Variants in MYO5B observed in about 807,000 individuals in gnomAD.
MYO5B encodes the protein unconventional myosin-Vb.
MYO5B carries 143 observed loss-of-function variants against 229.3 expected under a neutral mutation model. The ratio of observed to expected loss-of-function variants is 0.62; its 90% CI spans 0.54 to 0.72. The LOEUF is 0.72. MYO5B is among the 30% of genes least tolerant of loss of function. MYO5B has a pLI of 0.00. For synonymous variants in MYO5B, 918 were observed against 885.2 expected, an observed-to-expected ratio of 1.04 and a Z score of -0.66; for missense variants, 2,321 against 2,331.0, an observed-to-expected ratio of 1.00 and a Z score of 0.09.
At chr18:49,889,022 T>C (rs1258820843) in intron 22 of MYO5B, among the ~76,000 whole-genome samples, 2 of 152,150 alleles carry the variant, frequency 1.3e-5, no homozygotes, top group African/African-American at 4.8e-5. Flanking sequence ...TATCACACCC[T>C]CAGAACCCAG....
At chr18:50,024,221 T>C (rs1007065308) in intron 4 of MYO5B, among the ~76,000 whole-genome samples, 7 of 152,228 alleles carry the variant, frequency 4.6e-5, no homozygotes, top group Non-Finnish European at 1.0e-4. Flanking sequence ...GTATCATAAC[T>C]GAAGATCAAT....
chr18:49,931,242 T>A (rs1206243162), intron 16 of MYO5B, among the ~76,000 whole-genome samples: 1 of 152,126 alleles, frequency 6.6e-6, no homozygotes, highest in Non-Finnish European at 1.5e-5. Context: ...GACTGCAAGA[T>A]GCCACCTCAA....
chr18:49,960,132 C>G (rs1218882473), intron 12 of MYO5B, among the ~76,000 whole-genome samples: 1 of 152,182 alleles, frequency 6.6e-6, no homozygotes, highest in Non-Finnish European at 1.5e-5. Flanking sequence ...ATCTAAACCC[C>G]AGCTCACTAC....
intron 1 of MYO5B, among the ~76,000 whole-genome samples, chr18:50,176,382 A>C (rs993038025): frequency 2.0e-5 from 3 of 152,108 alleles, no homozygotes; most frequent in African/African-American, 7.2e-5. Flanking sequence ...ACACAACTGA[A>C]GTTATTTTTT....
Position 49,861,390 on chromosome 18 carries a change from C to T in MYO5B, c.3944+1837G>A, listed in dbSNP as rs139132477. ...GACGGCTCTGAAGATCGGGGAGATACGCACACCGCTTGTCAGACCAAGCAC... is the reference window on the plus strand; with the variant it reads ...GACGGCTCTGAAGATCGGGGAGATATGCACACCGCTTGTCAGACCAAGCAC... On this transcript the variant is annotated intron_variant, in intron 29 of 39. Transcript: ENST00000285039. Among the ~76,000 whole-genome samples the T allele has an allele frequency of 1.6e-3, 251 of 152,224 alleles. 2 individuals are homozygous for T. The highest frequency in any genetic ancestry group is 6.8e-3 in the Middle Eastern group (2 of 294).
chr18:49,856,479 G>T (rs147304786), intron 30 of MYO5B, among the ~76,000 whole-genome samples: 2 of 152,176 alleles, frequency 1.3e-5, no homozygotes, highest in Non-Finnish European at 2.9e-5. Context: ...TTCCCCAGAG[G>T]TATGTTTCCT....
At chr18:50,104,992 C>T (rs188367924) in intron 1 of MYO5B, among the ~76,000 whole-genome samples, 2 of 152,006 alleles carry the variant, frequency 1.3e-5, no homozygotes, top group Admixed American at 1.3e-4. Context: ...ACTCAACCAC[C>T]GGGAGGACTC....
At chr18:49,879,276 C>T in intron 23 of MYO5B, 186 bp from the exon 24 acceptor site, 5 of 684,318 alleles carry the variant, frequency 7.3e-6, no homozygotes, top group Non-Finnish European at 1.3e-5. Context: ...CTGGCTTAGT[C>T]TTCAGAGAGG....
intron 18 of MYO5B, among the ~76,000 whole-genome samples, chr18:49,911,047 A>G (rs2024952040): frequency 6.6e-6 from 1 of 152,220 alleles, no homozygotes; most frequent in Non-Finnish European, 1.5e-5. Flanking sequence ...ATTAAAACAT[A>G]AAATCTATTG....
chr18:49,884,131 T>G (rs930310475), intron 22 of MYO5B, among the ~76,000 whole-genome samples: 7 of 151,988 alleles, frequency 4.6e-5, no homozygotes, highest in African/African-American at 7.2e-5. Flanking sequence ...AAAAATAAAT[T>G]GAACTTCATT....
intron 22 of MYO5B, among the ~76,000 whole-genome samples, chr18:49,892,847 G>T (rs781485814): frequency 6.6e-6 from 1 of 152,150 alleles, no homozygotes; most frequent in African/African-American, 2.4e-5. Flanking sequence ...TTCTAAGTTG[G>T]AATTTGCTTA....
intron 10 of MYO5B, among the ~76,000 whole-genome samples, chr18:49,972,687 A>G (rs1438378484): frequency 6.6e-6 from 1 of 152,174 alleles, no homozygotes; most frequent in East Asian, 1.9e-4. Flanking sequence ...TACTCAAAGT[A>G]GAGAGATCAA....
At chr18:49,978,240 C>T (rs2025774454) in intron 9 of MYO5B, among the ~76,000 whole-genome samples, 1 of 152,174 alleles carries the variant, frequency 6.6e-6, no homozygotes, top group African/African-American at 2.4e-5. Context: ...CTCATACTAT[C>T]TCCACACAAA....
intron 2 of MYO5B, among the ~76,000 whole-genome samples, chr18:50,047,489 G>A (rs2030263645): frequency 6.6e-6 from 1 of 152,156 alleles, no homozygotes; most frequent in East Asian, 1.9e-4. Context: ...TACACTGTTG[G>A]TGGTACTGTA....
chr18:50,076,008 G>T (rs2031069940), intron 1 of MYO5B, among the ~76,000 whole-genome samples: 1 of 152,196 alleles, frequency 6.6e-6, no homozygotes, highest in Admixed American at 6.5e-5. Context: ...ATCCACGAAG[G>T]CCTCAAGGAA....
intron 1 of MYO5B, among the ~76,000 whole-genome samples, chr18:50,179,972 G>A (rs1032419522): frequency 3.3e-5 from 5 of 152,198 alleles, no homozygotes; most frequent in Non-Finnish European, 5.9e-5. Context: ...GTGCAGGAAG[G>A]TCCATAACCA....
At chr18:50,111,315 T>C (rs2031860370) in intron 1 of MYO5B, among the ~76,000 whole-genome samples, 2 of 152,202 alleles carry the variant, frequency 1.3e-5, no homozygotes, top group Non-Finnish European at 2.9e-5. Flanking sequence ...AGAAGTAAAT[T>C]CTATTCATAA....
intron 1 of MYO5B, among the ~76,000 whole-genome samples, chr18:50,179,671 C>T (rs748456323): frequency 2.0e-5 from 3 of 152,164 alleles, no homozygotes; most frequent in Non-Finnish European, 4.4e-5. Flanking sequence ...AGGCAATGCA[C>T]CCCTGCTGCT....
chr18:49,974,549 A>C lies in MYO5B; in HGVS notation c.1123T>G (p.Trp375Gly). The change falls in exon 10 of 40, where the codon TGG (tryptophan) becomes GGG (glycine). Residue 375 changes from tryptophan (W) to glycine (G), a missense_variant. By Grantham distance (184) the Trp-to-Gly change is radical (BLOSUM62 -2). Around this residue, in one of 2 missense-constraint regions of MYO5B, gnomAD observed 2,113 missense variants for 2,044.7 expected, o/e 1.03. Transcript: ENST00000285039. ...LGVEHSQMEH[W>G]LCHRKLVTTS... The stretch of plus-strand genomic sequence containing the variant: ...GTGACCAGCTTGCGATGACACAGCC[A>C]GTGCTCCATCTGACTGTGCTCCACC... The C allele has an allele frequency of 6.2e-7, 1 of 1,614,188 alleles. No individual in the cohort carries two copies. Among genetic ancestry groups the C allele is most frequent in the African/African-American group, 1.3e-5 (1 of 75,050 alleles).
Sources: gnomAD v4.1 joint callset for allele counts (sites outside exome capture counted in the v4.1 genomes callset) on GRCh38, gnomAD v4.1.1 for gene constraint, gnomAD v4.1.1 regional missense constraint, MANE v1.5 for transcripts, NCBI Gene and HGNC (gene_info 2026-07-23, HGNC 2026-07-21) for gene names.